RASA3: variants seen among roughly 807,000 people sequenced by gnomAD.
RASA3 encodes the protein ras GTPase-activating protein 3.
Under a neutral mutation model 110.0 loss-of-function variants are expected in RASA3, and 73 were observed. The ratio of observed to expected loss-of-function variants is 0.66; its 90% CI spans 0.55 to 0.81. RASA3 has a LOEUF of 0.81. RASA3 is among the 30% of genes least tolerant of loss of function. RASA3 has a pLI of 0.00. For synonymous variants in RASA3, 500 were observed against 451.4 expected (o/e 1.11, Z -1.37); for missense variants, 976 against 1,113.2 (o/e 0.88, Z 1.75).
intron 2 of RASA3, among the ~76,000 whole-genome samples, chr13:114,064,919 T>C (rs1019414489): frequency 6.6e-6 from 1 of 152,226 alleles, no homozygotes; most frequent in East Asian, 1.9e-4. Flanking sequence ...AATCCTGCCA[T>C]GTGGCCTAAG....
chr13:114,000,401 T>G (rs909889902), intron 19 of RASA3, among the ~76,000 whole-genome samples: 3 of 152,014 alleles, frequency 2.0e-5, no homozygotes, highest in Non-Finnish European at 4.4e-5. Context: ...TTCTGGGACA[T>G]GAACATGGGA....
intron 1 of RASA3, among the ~76,000 whole-genome samples, chr13:114,122,332 C>T (rs933861512): frequency 3.3e-5 from 5 of 152,262 alleles, no homozygotes; most frequent in African/African-American, 1.2e-4. Flanking sequence ...CCCACCCGGA[C>T]CTCGGAGGAG....
chr13:114,074,077 C>G (rs1023850929), intron 1 of RASA3, among the ~76,000 whole-genome samples: 4 of 152,224 alleles, frequency 2.6e-5, no homozygotes, highest in Admixed American at 2.6e-4. Context: ...CAGCCTGGGA[C>G]TCAGGATTGC....
At chr13:113,980,755 C>T (rs1052680372) in intron 23 of RASA3, among the ~76,000 whole-genome samples, 6 of 152,200 alleles carry the variant, frequency 3.9e-5, no homozygotes, top group South Asian at 4.1e-4. Context: ...GGTCCAAGTC[C>T]GGGCCACAGG....
intron 1 of RASA3, among the ~76,000 whole-genome samples, chr13:114,076,523 A>T (rs1252830050): frequency 6.6e-6 from 1 of 151,490 alleles, no homozygotes; most frequent in Non-Finnish European, 1.5e-5. Flanking sequence ...GCACACACGC[A>T]GCACACGCAC....
chr13:114,038,493 G>C (rs114944182), intron 4 of RASA3, among the ~76,000 whole-genome samples: 1 of 152,222 alleles, frequency 6.6e-6, no homozygotes, highest in Non-Finnish European at 1.5e-5. Context: ...CGCACAATTA[G>C]CACAGGTCCC....
chr13:114,119,386 T>C (rs972379171), intron 1 of RASA3, among the ~76,000 whole-genome samples: 4 of 152,120 alleles, frequency 2.6e-5, no homozygotes, highest in African/African-American at 9.7e-5. Context: ...AGCTGGGGAA[T>C]TCAGGAAGCG....
rs550044486 is a variant in RASA3, at chr13:113,996,895, G to A, written c.1933-156C>T. ...AGTCCTGGAGCTCTAAGCCCCAGAAGAGGCCAAGGCCAGGGGGTGCATGGA... is the reference window on the plus strand; with the variant it reads ...AGTCCTGGAGCTCTAAGCCCCAGAAAAGGCCAAGGCCAGGGGGTGCATGGA... On this transcript the variant is annotated intron_variant, in intron 20 of 23. Coordinates refer to ENST00000334062, the MANE Select transcript of RASA3 (RefSeq NM_007368.4). Among the ~76,000 whole-genome samples the A allele has an allele frequency of 2.6e-5, 4 of 152,370 alleles. No individual in the cohort carries two copies. The South Asian group carries it at 8.3e-4, about 32-fold the overall frequency.
Position 114,070,432 on chromosome 13 carries a change from T to C in RASA3, c.173+3288A>G, listed in dbSNP as rs549798266. The stretch of plus-strand genomic sequence containing the variant: ...CCGATGGAGGGCTTCCGACCACAGA[T>C]GTAGCGTGGATTCCAGCTGCAAGTT... On this transcript the variant is annotated intron_variant, in intron 2 of 23. Transcript: ENST00000334062. Among the ~76,000 whole-genome samples, 460 of 152,230 alleles carry C rather than the reference T, an allele frequency of 3.0e-3. 3 individuals are homozygous for C. The highest frequency in any genetic ancestry group is 4.4e-3 in the Admixed American group (68 of 15,306).
intron 1 of RASA3, among the ~76,000 whole-genome samples, chr13:114,119,899 GCC>G (rs1213120476): frequency 1.1e-3 from 41 of 38,462 alleles, no homozygotes; most frequent in Non-Finnish European, 1.7e-3. Context: ...GTCGATCAGG[GCC>G]CCCCTCCCCT....
At chr13:114,064,469 A>G (rs2079412429) in intron 2 of RASA3, among the ~76,000 whole-genome samples, 1 of 152,160 alleles carries the variant, frequency 6.6e-6, no homozygotes, top group African/African-American at 2.4e-5. Flanking sequence ...CCAGGTGCAA[A>G]GCCCAGGCCC....
chr13:114,122,638 C>A (rs544592449), intron 1 of RASA3, among the ~76,000 whole-genome samples: 30 of 152,344 alleles, frequency 2.0e-4, no homozygotes, highest in African/African-American at 6.3e-4. Context: ...TTCGCCCCTG[C>A]CCATTGGAGG....
chr13:113,980,919 A>C (rs1445470769), intron 23 of RASA3, among the ~76,000 whole-genome samples: 4 of 152,176 alleles, frequency 2.6e-5, no homozygotes, highest in Non-Finnish European at 4.4e-5. Context: ...GACCAAAGAG[A>C]GGAGTGAGCA....
At chr13:113,992,952 G>A (rs1460799751) in intron 21 of RASA3, among the ~76,000 whole-genome samples, 1 of 152,204 alleles carries the variant, frequency 6.6e-6, no homozygotes, top group Non-Finnish European at 1.5e-5. Flanking sequence ...ACGCAGTACT[G>A]AGTTATGTCT....
At chr13:114,089,298 GA>G (rs1430244849) in intron 1 of RASA3, among the ~76,000 whole-genome samples, 14 of 148,382 alleles carry the variant, frequency 9.4e-5, no homozygotes, top group Admixed American at 4.0e-4. Flanking sequence ...GAGCGGGGAG[GA>G]GGGGGGGAGG....
At chr13:114,100,206 C>T (rs1594455411) in intron 1 of RASA3, among the ~76,000 whole-genome samples, 1 of 151,710 alleles carries the variant, frequency 6.6e-6, no homozygotes, top group African/African-American at 2.4e-5. Flanking sequence ...GACTCTGCCC[C>T]GCCCCGGCCC....
intron 3 of RASA3, among the ~76,000 whole-genome samples, chr13:114,042,593 A>G (rs1160573859): frequency 6.6e-6 from 1 of 152,260 alleles, no homozygotes; most frequent in Non-Finnish European, 1.5e-5. Flanking sequence ...CACATTGTGC[A>G]TGACCTGGGC....
chr13:114,117,807 TGTGTGTGAGGGGTGCAC>T (rs1594474843), intron 1 of RASA3, among the ~76,000 whole-genome samples: 1 of 114,932 alleles, frequency 8.7e-6, no homozygotes, highest in African/African-American at 3.4e-5. Flanking sequence ...GAGGGGTGCA[TGTGTGTGAGGGGTGCAC>T]GTGTGTGAGG....
chr13:114,042,678 C>T (rs1235188331), intron 3 of RASA3, among the ~76,000 whole-genome samples: 1 of 152,264 alleles, frequency 6.6e-6, no homozygotes, highest in East Asian at 1.9e-4. Flanking sequence ...CCCCGGTTCT[C>T]TCTTCCAAGG....
Sources: allele counts gnomAD v4.1 joint callset (sites outside exome capture counted in the v4.1 genomes callset), GRCh38; gene constraint gnomAD v4.1.1; transcripts MANE v1.5; gene names NCBI Gene and HGNC (gene_info 2026-07-23, HGNC 2026-07-21).